The following TCF4 variants were observed in gnomAD, a reference collection of about 807,000 sequenced individuals.
TCF4 encodes SL3-3 enhancer factor 2.
TCF4 carries 3 observed loss-of-function variants against 82.1 expected under a neutral mutation model. The observed-to-expected ratio is 0.04, with a 90% CI of 0.02 to 0.09. The LOEUF is 0.09. TCF4 is among the 10% of genes least tolerant of loss of function. The pLI, the probability that TCF4 is intolerant of heterozygous loss-of-function variation, is 1.00. For missense variants in TCF4, 518 were observed against 852.7 expected, an observed-to-expected ratio of 0.61 and a Z score of 4.89; for synonymous variants, 276 against 309.6, an observed-to-expected ratio of 0.89 and a Z score of 1.14.
intron 3 of TCF4, among the ~76,000 whole-genome samples, chr18:55,567,774 T>G (rs2097422847): frequency 1.3e-5 from 2 of 151,584 alleles, no homozygotes; most frequent in Admixed American, 6.6e-5. Flanking sequence ...ATCCCTGAAT[T>G]CATAGAGTAC....
intron 2 of TCF4, among the ~76,000 whole-genome samples, chr18:55,616,873 A>G (rs1436549356): frequency 1.3e-5 from 2 of 152,076 alleles, no homozygotes; most frequent in Non-Finnish European, 2.9e-5. Context: ...CAGACATTTT[A>G]TACCATTTGG....
At chr18:55,461,889 A>G (rs1469884889) in intron 4 of TCF4, among the ~76,000 whole-genome samples, 1 of 152,176 alleles carries the variant, frequency 6.6e-6, no homozygotes, top group Non-Finnish European at 1.5e-5. Context: ...TAATGGGGAA[A>G]TTTGATAACG....
intron 8 of TCF4, among the ~76,000 whole-genome samples, chr18:55,305,500 A>G (rs2069978770): frequency 6.6e-6 from 1 of 152,206 alleles, no homozygotes; most frequent in Non-Finnish European, 1.5e-5. Flanking sequence ...TTCCAGTACA[A>G]AAGTACCAGT....
intron 5 of TCF4, among the ~76,000 whole-genome samples, chr18:55,419,394 A>G (rs2094644579): frequency 6.6e-6 from 1 of 152,130 alleles, no homozygotes; most frequent in Non-Finnish European, 1.5e-5. Context: ...ACATCCAACC[A>G]TTTCATGAGG....
chr18:55,499,940 T>G (rs2096679039), intron 3 of TCF4, among the ~76,000 whole-genome samples: 2 of 152,116 alleles, frequency 1.3e-5, no homozygotes, highest in African/African-American at 2.4e-5. Flanking sequence ...CCCAGCACTT[T>G]GGGAGGCTGA....
intron 11 of TCF4, chr18:55,267,189 A>T (rs1421085818): frequency 6.6e-6 from 1 of 152,162 alleles, no homozygotes; most frequent in Non-Finnish European, 1.5e-5. Flanking sequence ...TGTAATCTCA[A>T]ACATGTGTCA....
chr18:55,412,353 T>G (rs559083215), intron 5 of TCF4, among the ~76,000 whole-genome samples: 1 of 152,080 alleles, frequency 6.6e-6, no homozygotes, highest in East Asian at 1.9e-4. Flanking sequence ...AAGGCTGTTT[T>G]TTTTTTTTTT....
In TCF4 at chr18:55,325,181, A is replaced by G. The variant is rs535691785; in HGVS notation, c.549+25178T>C. On this transcript the variant is annotated intron_variant, in intron 8 of 19. Coordinates refer to ENST00000354452, the MANE Select transcript of TCF4 (RefSeq NM_001083962.2). ...ATCACTTGAATGAAGAGCTATATTCAACCATTTCATGAACAATTATTTAGT... is the reference window on the plus strand; with the variant it reads ...ATCACTTGAATGAAGAGCTATATTCGACCATTTCATGAACAATTATTTAGT... 2.0e-5 allele frequency among the ~76,000 whole-genome samples: 3 copies of G among 152,366 alleles called. No individual in the cohort carries two copies. In the South Asian group the frequency reaches 6.2e-4, roughly 32 times the overall value.
chr18:55,486,063 T>C (rs72930759), intron 3 of TCF4, among the ~76,000 whole-genome samples: 5,729 of 152,328 alleles, frequency 0.038, 126 homozygotes, highest in Non-Finnish European at 0.052. Flanking sequence ...AAATAAATCC[T>C]ACTACTTAGA....
At chr18:55,632,843 T>C (rs575672184) in intron 1 of TCF4, among the ~76,000 whole-genome samples, 1 of 152,312 alleles carries the variant, frequency 6.6e-6, no homozygotes, top group South Asian at 2.1e-4. Context: ...ATAGGGAATA[T>C]TGGAGGAAGA....
chr18:55,541,447 C>T (rs2097164382), intron 3 of TCF4, among the ~76,000 whole-genome samples: 1 of 151,890 alleles, frequency 6.6e-6, no homozygotes, highest in South Asian at 2.1e-4. Flanking sequence ...ACTGAAAACT[C>T]TCAACATCAA....
chr18:55,572,109 A>G (rs1419569696), intron 3 of TCF4, among the ~76,000 whole-genome samples: 1 of 152,102 alleles, frequency 6.6e-6, no homozygotes, highest in Non-Finnish European at 1.5e-5. Flanking sequence ...TTTGCTTGGT[A>G]TAGACAGTTC....
At chr18:55,373,171 CAG>C (rs1468047850) in intron 6 of TCF4, among the ~76,000 whole-genome samples, 1 of 151,138 alleles carries the variant, frequency 6.6e-6, no homozygotes, top group Non-Finnish European at 1.5e-5. Context: ...AAATAAAACA[CAG>C]AGACTATGAA....
intron 3 of TCF4, among the ~76,000 whole-genome samples, chr18:55,527,641 G>A (rs372545127): frequency 2.6e-5 from 4 of 152,026 alleles, no homozygotes; most frequent in African/African-American, 4.8e-5. Flanking sequence ...ATAACACCAC[G>A]TGCATGATAA....
At chr18:55,409,042 A>T (rs1396678113) in intron 5 of TCF4, among the ~76,000 whole-genome samples, 1 of 152,234 alleles carries the variant, frequency 6.6e-6, no homozygotes, top group African/African-American at 2.4e-5. Context: ...ATAAACTGCC[A>T]CCATCTCCGC....
At position 55,588,156 on chromosome 18, in the gene TCF4, CCCGCCG is replaced by C. The variant is rs886053961; in HGVS notation, c.-145_-140del. 2.4e-5 allele frequency: 26 copies of C among 1,092,816 alleles called. No individual in the cohort carries two copies. Among genetic ancestry groups the C allele is most frequent in the East Asian group, 5.8e-5 (1 of 17,126 alleles). The allele number at this position is 1,092,816 out of a possible 1,614,324, so 67.7% of individuals were successfully genotyped here. On this transcript the variant is annotated 5_prime_UTR_variant, in exon 1 of 20. Transcript: ENST00000354452. The stretch of plus-strand genomic sequence containing the variant: ...CGCCCGCTCCCGCGCCTGCTGCCTC[CCCGCCG>C]CCGCCGCCGCCGCCGCCACTACAGA...
At chr18:55,621,963 CTATA>C (rs1568501829) in intron 2 of TCF4, among the ~76,000 whole-genome samples, 2 of 120,166 alleles carry the variant, frequency 1.7e-5, no homozygotes, top group African/African-American at 3.3e-5. Flanking sequence ...TATATATACA[CTATA>C]TATTATATAT....
At chr18:55,253,843 G>T (rs1380797957) in intron 15 of TCF4, among the ~76,000 whole-genome samples, 2 of 151,538 alleles carry the variant, frequency 1.3e-5, no homozygotes, top group Non-Finnish European at 2.9e-5. Flanking sequence ...AACTCAAATT[G>T]TACACTTTGG....
At chr18:55,380,557 G>T (rs1190960167) in intron 6 of TCF4, among the ~76,000 whole-genome samples, 2 of 152,062 alleles carry the variant, frequency 1.3e-5, no homozygotes, top group Non-Finnish European at 2.9e-5. Context: ...GGGGATTAAG[G>T]TTTCAACATA....
Sources: allele counts gnomAD v4.1 joint callset (sites outside exome capture counted in the v4.1 genomes callset), GRCh38; gene constraint gnomAD v4.1.1; transcripts MANE v1.5; gene names NCBI Gene and HGNC (gene_info 2026-07-23, HGNC 2026-07-21).